The following ROR1 variants were observed in gnomAD, a reference collection of about 807,000 sequenced individuals.
ROR1 encodes inactive tyrosine-protein kinase transmembrane receptor ROR1.
In ROR1, 19 loss-of-function variants were observed where a neutral mutation model predicts 78.8. That is an observed-to-expected ratio of 0.24 (90% CI 0.17 to 0.35). The LOEUF (loss-of-function observed/expected upper bound fraction) is 0.35. Ranked by LOEUF, ROR1 falls within the 10% of genes least tolerant of loss-of-function variation. ROR1 has a pLI of 1.00. For missense variants in ROR1, 917 were observed against 1,177.8 expected, an observed-to-expected ratio of 0.78 and a Z score of 3.24; for synonymous variants, 386 against 433.6, an observed-to-expected ratio of 0.89 and a Z score of 1.36.
chr1:63,868,258 T>C (rs1467335447), intron 1 of ROR1, among the ~76,000 whole-genome samples: 1 of 152,222 alleles, frequency 6.6e-6, no homozygotes. Flanking sequence ...AAATCTCTAC[T>C]TTCTGTGTGC....
chr1:63,867,988 C>T (rs1442459448), intron 1 of ROR1, among the ~76,000 whole-genome samples: 4 of 152,194 alleles, frequency 2.6e-5, no homozygotes, highest in Non-Finnish European at 5.9e-5. Flanking sequence ...GAGGGCCACA[C>T]GCCTTGGCAC....
At chr1:63,845,482 T>C (rs961070676) in intron 1 of ROR1, among the ~76,000 whole-genome samples, 16 of 152,242 alleles carry the variant, frequency 1.1e-4, no homozygotes, top group Admixed American at 2.6e-4. Context: ...GCTTTGTGTC[T>C]TTGCTTCTCT....
intron 2 of ROR1, among the ~76,000 whole-genome samples, chr1:64,042,169 A>G (rs887482805): frequency 7.9e-5 from 12 of 152,142 alleles, no homozygotes; most frequent in Admixed American, 7.9e-4. Context: ...TCTCTTATTC[A>G]CTACACAGGA....
chr1:64,026,257 C>T (rs943601673), intron 2 of ROR1, among the ~76,000 whole-genome samples: 43 of 152,120 alleles, frequency 2.8e-4, no homozygotes, highest in African/African-American at 1.0e-3. Flanking sequence ...TACTCAGTAG[C>T]TGTATGGCTT....
At chr1:64,164,468 C>A (rs549773288) in intron 8 of ROR1, among the ~76,000 whole-genome samples, 16 of 152,252 alleles carry the variant, frequency 1.1e-4, no homozygotes, top group African/African-American at 3.1e-4. Flanking sequence ...TTTTCTCATC[C>A]ATAAGGCAAG....
Position 63,876,645 on chromosome 1 carries a change from GGTGTGTGTGT to G in ROR1, c.91+102165_91+102174del, listed in dbSNP as rs367954652. Among the ~76,000 whole-genome samples the G allele has an allele frequency of 6.4e-4, 84 of 130,662 alleles. 1 individual carries two copies. The Middle Eastern group carries it at 0.011, about 18-fold the overall frequency. 85.7% of individuals were successfully genotyped at this position (130,662 alleles called of 152,430 possible). A position where few individuals can be genotyped will look rare whatever the true frequency, so the allele number is the denominator to read the frequency against. ...TGTATGCATGTGTTTCCACGAAAGG[GGTGTGTGTGT>G]GTGTGTGTGTGTGTGTGTGTGTGTG... On this transcript the variant is annotated intron_variant, in intron 1 of 8. Coordinates refer to ENST00000371079, the MANE Select transcript of ROR1 (RefSeq NM_005012.4).
intron 4 of ROR1, among the ~76,000 whole-genome samples, chr1:64,136,139 C>G (rs1188462108): frequency 6.6e-6 from 1 of 152,088 alleles, no homozygotes; most frequent in African/African-American, 2.4e-5. Context: ...TTTAAAAAAG[C>G]TTTTACATTA....
intron 1 of ROR1, among the ~76,000 whole-genome samples, chr1:63,867,961 G>C (rs541589541): frequency 1.3e-5 from 2 of 152,316 alleles, no homozygotes; most frequent in South Asian, 4.1e-4. Flanking sequence ...GAAACAAGCT[G>C]TTGCTCTCCC....
intron 4 of ROR1, among the ~76,000 whole-genome samples, chr1:64,129,456 T>A (rs897775219): frequency 2.6e-5 from 4 of 152,234 alleles, no homozygotes; most frequent in Non-Finnish European, 5.9e-5. Flanking sequence ...GTGGTTTGAA[T>A]GCCTGATATT....
At position 63,920,737 on chromosome 1, in the gene ROR1, A is replaced by G. The variant is rs561509083; in HGVS notation, c.92-88568A>G. 3.8e-3 allele frequency among the ~76,000 whole-genome samples: 572 copies of G among 152,314 alleles called. 5 individuals are homozygous for G. The highest frequency in any genetic ancestry group is 0.014 in the Middle Eastern group (4 of 294). ...TGGAATCCACTGGAATAATTTTTTT[A>G]TGCATTACAAAGTATGCTTCAGAGT... On this transcript the variant is annotated intron_variant, in intron 1 of 8. Transcript: ENST00000371079.
intron 1 of ROR1, among the ~76,000 whole-genome samples, chr1:63,795,085 C>T (rs949255131): frequency 7.9e-5 from 12 of 152,116 alleles, no homozygotes; most frequent in East Asian, 3.9e-4. Context: ...TCCAGGGAAG[C>T]GGACTTTGTG....
chr1:63,911,961 A>G (rs578049183), intron 1 of ROR1, among the ~76,000 whole-genome samples: 18 of 152,140 alleles, frequency 1.2e-4, no homozygotes, highest in African/African-American at 3.9e-4. Context: ...GTGTGTGTGG[A>G]GGTGCTGTGT....
intron 1 of ROR1, among the ~76,000 whole-genome samples, chr1:63,813,120 A>T (rs758868731): frequency 7.9e-5 from 12 of 152,222 alleles, no homozygotes; most frequent in Non-Finnish European, 1.3e-4. Flanking sequence ...GATTTAGAAA[A>T]CTGTGAAGTT....
intron 1 of ROR1, among the ~76,000 whole-genome samples, chr1:63,795,500 A>T (rs1353421569): frequency 6.6e-6 from 1 of 152,186 alleles, no homozygotes; most frequent in African/African-American, 2.4e-5. Flanking sequence ...ACACTGGGTC[A>T]GGGACATATT....
chr1:64,050,806 A>G, intron 4 of ROR1, 90 bp downstream of exon 4: 2 of 1,235,418 alleles, frequency 1.6e-6, no homozygotes, highest in Non-Finnish European at 2.4e-6. Flanking sequence ...TCTTAAGCCA[A>G]AATACTGGCT....
At chr1:64,080,750 T>TA (rs1248912999) in intron 4 of ROR1, among the ~76,000 whole-genome samples, 1 of 152,164 alleles carries the variant, frequency 6.6e-6, no homozygotes, top group East Asian at 1.9e-4. Flanking sequence ...AAGCTACAGA[T>TA]ACAGCCACAT....
chr1:64,026,254 T>C (rs556873732), intron 2 of ROR1, among the ~76,000 whole-genome samples: 11 of 152,354 alleles, frequency 7.2e-5, no homozygotes, highest in African/African-American at 2.6e-4. Context: ...TTATACTCAG[T>C]AGCTGTATGG....
intron 1 of ROR1, among the ~76,000 whole-genome samples, chr1:63,824,046 C>G (rs1644939430): frequency 6.6e-6 from 1 of 152,280 alleles, no homozygotes; most frequent in Admixed American, 6.5e-5. Flanking sequence ...CCGTGCCCAG[C>G]CCCAAATCTT....
intron 4 of ROR1, among the ~76,000 whole-genome samples, chr1:64,125,900 G>C (rs966078316): frequency 6.6e-6 from 1 of 152,202 alleles, no homozygotes; most frequent in Non-Finnish European, 1.5e-5. Flanking sequence ...ACTCTGCTGG[G>C]AGTGAGACTG....
Sources: allele counts gnomAD v4.1 joint callset (sites outside exome capture counted in the v4.1 genomes callset), GRCh38; gene constraint gnomAD v4.1.1; transcripts MANE v1.5; gene names NCBI Gene and HGNC (gene_info 2026-07-23, HGNC 2026-07-21).